Variants in SNX29 observed in about 807,000 individuals in gnomAD.
SNX29 encodes sorting nexin-29.
SNX29 carries 78 observed loss-of-function variants against 102.1 expected under a neutral mutation model. The observed-to-expected ratio is 0.76, with a 90% CI of 0.64 to 0.92. The LOEUF (loss-of-function observed/expected upper bound fraction) is 0.92. Among genes scored for constraint, SNX29 ranks in the 40% least tolerant of loss-of-function variants. The pLI is 0.00. For missense variants in SNX29, 1,280 were observed against 1,061.7 expected (o/e 1.21, Z -2.86); for synonymous variants, 580 against 414.5 (o/e 1.40, Z -4.85).
chr16:12,498,213 C>A (rs1053562638), intron 19 of SNX29, among the ~76,000 whole-genome samples: 1 of 151,182 alleles, frequency 6.6e-6, no homozygotes, highest in African/African-American at 2.5e-5. Flanking sequence ...TTCCTCTGGC[C>A]CATGAGGCCC....
intron 16 of SNX29, chr16:12,374,267 C>T (rs1275763764): frequency 2.2e-5 from 3 of 137,530 alleles, no homozygotes; most frequent in Admixed American, 1.5e-4. Flanking sequence ...TGGTCACTGT[C>T]CCCTGGACTC....
At chr16:12,100,433 G>T (rs145348624) in intron 11 of SNX29, among the ~76,000 whole-genome samples, 15 of 152,238 alleles carry the variant, frequency 9.9e-5, no homozygotes, top group African/African-American at 3.6e-4. Context: ...GAAACCCGCT[G>T]CTCTAGGAAT....
chr16:12,101,035 GACGAAGAGTGCC>G (rs558300676), intron 11 of SNX29, among the ~76,000 whole-genome samples: 16 of 152,308 alleles, frequency 1.1e-4, no homozygotes, highest in African/African-American at 2.9e-4. Context: ...CAATTCCCAG[GACGAAGAGTGCC>G]ACGAAGAGTG....
intron 20 of SNX29, among the ~76,000 whole-genome samples, chr16:12,551,446 C>A (rs750199146): frequency 6.6e-6 from 1 of 152,214 alleles, no homozygotes. Flanking sequence ...ACCCAGCATG[C>A]TTTTAAAAAT....
intron 20 of SNX29, among the ~76,000 whole-genome samples, chr16:12,545,163 C>T (rs886826394): frequency 3.3e-5 from 5 of 152,240 alleles, no homozygotes; most frequent in Admixed American, 1.3e-4. Context: ...GACACTCTGC[C>T]AGCCGTCAGA....
chr16:12,538,150 C>T (rs150764539), intron 20 of SNX29, among the ~76,000 whole-genome samples: 1 of 152,158 alleles, frequency 6.6e-6, no homozygotes, highest in East Asian at 1.9e-4. Context: ...GAGTCTCACT[C>T]TGTCACCCAG....
At chr16:12,341,842 C>G (rs1008797221) in intron 15 of SNX29, among the ~76,000 whole-genome samples, 2 of 152,180 alleles carry the variant, frequency 1.3e-5, no homozygotes, top group East Asian at 1.9e-4. Context: ...TGGTGAGCAC[C>G]AGTATCTCTG....
chr16:12,572,306 C>G lies in SNX29; in HGVS notation c.*3677C>G. On this transcript the variant is annotated 3_prime_UTR_variant, in exon 21 of 21. Transcript: ENST00000566228. Reference sequence around the variant, plus strand: ...AGTACTGGGGCCAGTGATCACAATCCAGGTTGGAAACAGGAGTGAAGCCCA... The same window carrying G: ...AGTACTGGGGCCAGTGATCACAATCGAGGTTGGAAACAGGAGTGAAGCCCA... The G allele has an allele frequency of 1.1e-6, 1 of 894,934 alleles. No homozygotes were observed. The highest frequency in any genetic ancestry group is 5.3e-5 in the African/African-American group (1 of 18,994). 55.4% of individuals were successfully genotyped at this position (894,934 alleles called of 1,614,324 possible).
chr16:12,415,398 AC>A (rs2084587764), intron 18 of SNX29, among the ~76,000 whole-genome samples: 1 of 152,244 alleles, frequency 6.6e-6, no homozygotes, highest in Non-Finnish European at 1.5e-5. Flanking sequence ...TTTCATACTC[AC>A]ACACAGCATT....
chr16:12,568,533 G>A lies in SNX29; in HGVS notation c.2346G>A (p.Val782=), dbSNP rs772282823. ...ACATCACCCCGCCCGGAGAGCCTGT[G>A]AACAGCCGGCCCAAAGCAGCTTCCC... ...FVDITPPGEP[V]NSRPKAASRF... Residue 782 remains valine, a synonymous_variant, in exon 21 of 21, where the codon GTG becomes GTA. Coordinates refer to ENST00000566228, the MANE Select transcript of SNX29 (RefSeq NM_032167.5). The A allele has an allele frequency of 6.2e-6, 10 of 1,609,662 alleles. No homozygotes were observed. Among genetic ancestry groups the A allele is most frequent in the Middle Eastern group, 1.6e-4 (1 of 6,084 alleles).
chr16:12,332,939 C>T (rs920440346), intron 15 of SNX29, among the ~76,000 whole-genome samples: 3 of 152,082 alleles, frequency 2.0e-5, no homozygotes, highest in Non-Finnish European at 4.4e-5. Flanking sequence ...CATGGCCACC[C>T]CTGCTCGTGC....
At chr16:12,352,976 G>C (rs941639041) in intron 15 of SNX29, among the ~76,000 whole-genome samples, 1 of 152,116 alleles carries the variant, frequency 6.6e-6, no homozygotes, top group Non-Finnish European at 1.5e-5. Context: ...ATATAGGCGT[G>C]GGATATAGGC....
chr16:12,555,995 T>TG (rs2141406373), intron 20 of SNX29, among the ~76,000 whole-genome samples: 1 of 152,296 alleles, frequency 6.6e-6, no homozygotes, highest in African/African-American at 2.4e-5. Flanking sequence ...AGTGTTTTTT[T>TG]TGTTCACTTG....
intron 14 of SNX29, among the ~76,000 whole-genome samples, chr16:12,249,465 C>T (rs980936307): frequency 4.6e-5 from 7 of 152,192 alleles, no homozygotes; most frequent in Admixed American, 1.3e-4. Flanking sequence ...CATGGCCAGG[C>T]CCAGAGTCAG....
chr16:12,486,063 G>T (rs756656072), intron 19 of SNX29, among the ~76,000 whole-genome samples: 2 of 152,204 alleles, frequency 1.3e-5, no homozygotes, highest in East Asian at 1.9e-4. Context: ...AGGCGTCAGC[G>T]AGGCTGCATT....
intron 19 of SNX29, among the ~76,000 whole-genome samples, chr16:12,491,812 G>T (rs2088563063): frequency 6.6e-6 from 1 of 152,152 alleles, no homozygotes; most frequent in Non-Finnish European, 1.5e-5. Flanking sequence ...AGTTTGCTGA[G>T]AATGGTGGTT....
intron 20 of SNX29, among the ~76,000 whole-genome samples, chr16:12,555,714 A>G (rs954730027): frequency 3.3e-5 from 5 of 151,938 alleles, no homozygotes; most frequent in African/African-American, 4.8e-5. Flanking sequence ...ATTCTCCCTG[A>G]TTGGCCCTTT....
intron 20 of SNX29, among the ~76,000 whole-genome samples, chr16:12,541,737 G>T (rs573890277): frequency 1.3e-5 from 2 of 152,020 alleles, no homozygotes; most frequent in African/African-American, 4.8e-5. Flanking sequence ...TGTCTTTTCC[G>T]TACTGTGCCA....
chr16:12,318,560 A>T (rs1398442300), intron 15 of SNX29, among the ~76,000 whole-genome samples: 2 of 152,164 alleles, frequency 1.3e-5, no homozygotes, highest in Admixed American at 1.3e-4. Context: ...CCAGGACAGT[A>T]GTCAGGGCTG....
Sources: gnomAD v4.1 joint callset for allele counts (sites outside exome capture counted in the v4.1 genomes callset) on GRCh38, gnomAD v4.1.1 for gene constraint, MANE v1.5 for transcripts, NCBI Gene and HGNC (gene_info 2026-07-23, HGNC 2026-07-21) for gene names.